The following ASAP3 variants were observed in gnomAD, a reference collection of about 807,000 sequenced individuals.
ASAP3 encodes ArfGAP with SH3 domain, ankyrin repeat and PH domain 3.
ASAP3 carries 85 observed loss-of-function variants against 118.2 expected under a neutral mutation model. That is an observed-to-expected ratio of 0.72 (90% CI 0.60 to 0.86). The LOEUF is 0.86. ASAP3 is among the 40% of genes least tolerant of loss of function. The pLI is 0.00. For missense variants in ASAP3, 1,026 were observed against 1,175.0 expected (o/e 0.87, Z 1.85); for synonymous variants, 432 against 477.4 (o/e 0.90, Z 1.24).
chr1:23,442,114 A>G, intron 7 of ASAP3, 72 bp downstream of exon 7: 1 of 1,469,872 alleles, frequency 6.8e-7, no homozygotes, highest in South Asian at 1.2e-5. Context: ...TCTCAGGTCT[A>G]TCACACCTTG....
intron 3 of ASAP3, among the ~76,000 whole-genome samples, chr1:23,455,335 AGAG>A (rs1208896868): frequency 1.3e-5 from 2 of 152,226 alleles, no homozygotes; most frequent in Non-Finnish European, 1.5e-5. Flanking sequence ...TTGAAGGACC[AGAG>A]AGGAGGCAGT....
At position 23,431,129 on chromosome 1, in the gene ASAP3, G is replaced by C; in HGVS notation, c.2547-4C>G. 6.3e-7 allele frequency: 1 copy of C among 1,578,232 alleles called. No homozygotes were observed. The highest frequency in any genetic ancestry group is 8.6e-7 in the Non-Finnish European group (1 of 1,162,160). On this transcript the variant is annotated splice_region_variant and splice_polypyrimidine_tract_variant and intron_variant, in intron 23 of 24. Coordinates refer to ENST00000336689, the MANE Select transcript of ASAP3 (RefSeq NM_017707.4). ...ATAGGAGCGAGTGCTCTCGGAGCTG[G>C]AAGGCAGGGAAAGGCCAACATGACC... is the stretch of plus-strand genomic sequence containing the variant.
Position 23,436,504 on chromosome 1 carries a change from A to C in ASAP3, c.1571+56T>G. 4.4e-6 allele frequency: 7 copies of C among 1,573,110 alleles called. No individual in the cohort carries two copies. Among genetic ancestry groups the C allele is most frequent in the Non-Finnish European group, 5.2e-6 (6 of 1,142,934 alleles). On this transcript the variant is annotated intron_variant, in intron 16 of 24. Coordinates refer to ENST00000336689, the MANE Select transcript of ASAP3 (RefSeq NM_017707.4). This position sits in a 1 kb window ranked among gnomAD's most constrained non-coding sequence, Gnocchi z 4.2. Reference sequence around the variant, plus strand: ...CCAAGACTTTTCTACGACCCTGGACACTGCGGAGGCAGAATCCCCTAGGCA... The same window carrying C: ...CCAAGACTTTTCTACGACCCTGGACCCTGCGGAGGCAGAATCCCCTAGGCA...
intron 24 of ASAP3, among the ~76,000 whole-genome samples, chr1:23,430,704 T>C (rs1640395762): frequency 6.6e-6 from 1 of 152,194 alleles, no homozygotes; most frequent in Admixed American, 6.5e-5. Context: ...ATCACTGCCA[T>C]CCCTCAAGGC....
At chr1:23,452,672 C>T (rs1004376745) in intron 4 of ASAP3, 25 bp downstream of exon 4, 2 of 1,611,306 alleles carry the variant, frequency 1.2e-6, no homozygotes, top group Admixed American at 3.3e-5. Flanking sequence ...TCTGTCCCAC[C>T]ACCACTCCCA....
chr1:23,484,374 A>AC (rs1467166498), upstream of ASAP3: 1 of 304,138 alleles, frequency 3.3e-6, no homozygotes, highest in African/African-American at 2.5e-5. Context: ...CCGGCCCCGC[A>AC]CCGCGTCAGG....
Position 23,437,622 on chromosome 1 carries a change from G to C in ASAP3, c.1103-150C>G. ...GCTAGGAGTGGGAAGGGAGTGGAAT[G>C]ACAGTGGCCAGCACCAGGGGCAGTT... is the stretch of plus-strand genomic sequence containing the variant. On this transcript the variant is annotated intron_variant, in intron 12 of 24. Coordinates refer to ENST00000336689, the MANE Select transcript of ASAP3 (RefSeq NM_017707.4). This position sits in a 1 kb window ranked among gnomAD's most constrained non-coding sequence, Gnocchi z 6.1. The C allele has an allele frequency of 1.0e-6, 1 of 973,330 alleles. No homozygotes were observed. Among genetic ancestry groups the C allele is most frequent in the Admixed American group, 2.7e-5 (1 of 37,604 alleles). 60.3% of individuals were successfully genotyped at this position (973,330 alleles called of 1,614,324 possible). A position where few individuals can be genotyped will look rare whatever the true frequency, so the allele number is the denominator to read the frequency against.
Position 23,438,724 on chromosome 1 carries a change from G to A in ASAP3, c.1102+23C>T. 1 of 1,610,558 alleles carries A rather than the reference G, an allele frequency of 6.2e-7. No homozygotes were observed. The highest frequency in any genetic ancestry group is 1.1e-5 in the South Asian group (1 of 90,984). On this transcript the variant is annotated intron_variant, in intron 12 of 24. Coordinates refer to ENST00000336689, the MANE Select transcript of ASAP3 (RefSeq NM_017707.4). This position sits in a 1 kb window ranked among gnomAD's most constrained non-coding sequence, Gnocchi z 4.9. The stretch of plus-strand genomic sequence containing the variant: ...GAAGCCCTGAGCAGCTGTGGGTGGG[G>A]GAGAGGCACAGGGACCACTCACGGG...
intron 22 of ASAP3, among the ~76,000 whole-genome samples, chr1:23,432,241 G>C (rs1640464970): frequency 6.6e-6 from 1 of 152,016 alleles, no homozygotes; most frequent in South Asian, 2.1e-4. Context: ...TCCTTACCTG[G>C]GGTGATCCGC....
At chr1:23,447,556 A>G (rs1349388879) in intron 5 of ASAP3, among the ~76,000 whole-genome samples, 1 of 152,186 alleles carries the variant, frequency 6.6e-6, no homozygotes, top group Non-Finnish European at 1.5e-5. Context: ...AACCACTGTA[A>G]TGACACCTAG....
chr1:23,464,364 T>G (rs1641692256), intron 1 of ASAP3, among the ~76,000 whole-genome samples: 1 of 151,646 alleles, frequency 6.6e-6, no homozygotes, highest in Non-Finnish European at 1.5e-5. Flanking sequence ...TTTTTGTATT[T>G]TTAGTAGAGA....
rs1640530621 is a variant in ASAP3 at position 23,433,661 on chromosome 1, C to T, written c.1984G>A (p.Ala662Thr). The change falls in exon 20 of 25, where the codon GCC becomes ACC. Residue 662 changes from alanine to threonine, a missense_variant. Physicochemically the swap from Ala to Thr is moderately conservative, Grantham distance 58. Coordinates refer to ENST00000336689, the MANE Select transcript of ASAP3 (RefSeq NM_017707.4). Reference protein sequence around the residue: ...NEAGETALDIARKKHHKECEE... With the variant: ...NEAGETALDITRKKHHKECEE... ...CACTCCTTGTGGTGCTTCTTCCTGGCTATGTCCAGAGCTGTCTCGCCTGCT... is the reference window on the plus strand; with the variant it reads ...CACTCCTTGTGGTGCTTCTTCCTGGTTATGTCCAGAGCTGTCTCGCCTGCT... 2 of 1,614,108 alleles carry T rather than the reference C, an allele frequency of 1.2e-6. No homozygotes were observed. Among genetic ancestry groups the T allele is most frequent in the Non-Finnish European group, 1.7e-6 (2 of 1,180,048 alleles).
intron 5 of ASAP3, among the ~76,000 whole-genome samples, chr1:23,450,243 A>C (rs948372082): frequency 2.0e-5 from 3 of 152,232 alleles, no homozygotes; most frequent in Non-Finnish European, 4.4e-5. Flanking sequence ...TTGATCCTGC[A>C]AAAATAATTA....
At chr1:23,446,736 C>A (rs556258526) in intron 5 of ASAP3, among the ~76,000 whole-genome samples, 5 of 152,262 alleles carry the variant, frequency 3.3e-5, no homozygotes, top group African/African-American at 1.2e-4. Flanking sequence ...CCATGCCCAG[C>A]CCAATTTGTA....
chr1:23,464,480 C>T (rs558073180), intron 1 of ASAP3, among the ~76,000 whole-genome samples: 1 of 151,768 alleles, frequency 6.6e-6, no homozygotes, highest in Non-Finnish European at 1.5e-5. Flanking sequence ...AGGCACTGCA[C>T]CCGACCATTA....
rs764931577 is a variant in ASAP3 at position 23,484,069 on chromosome 1, G to A, written c.65C>T (p.Ala22Val). The change falls in exon 1 of 25, where the codon GCT becomes GTT. Residue 22 changes from alanine to valine, a missense_variant. Coordinates refer to ENST00000336689, the MANE Select transcript of ASAP3 (RefSeq NM_017707.4). ...AVTAEDLSSPAGAAAFAAKMP... is the reference protein window; with the variant it reads ...AVTAEDLSSPVGAAAFAAKMP... ...CTTGGCGGCGAAGGCGGCGGCCCCA[G>A]CCGGGGAGCTGAGGTCCTCCGCGGT... is the stretch of plus-strand genomic sequence containing the variant. 5.2e-6 allele frequency: 7 copies of A among 1,351,822 alleles called. No homozygotes were observed. The South Asian group carries it at 7.3e-5, about 14-fold the overall frequency. 83.7% of individuals were successfully genotyped at this position (1,351,822 alleles called of 1,614,324 possible).
chr1:23,453,973 GA>G lies in ASAP3; in HGVS notation c.349-1203del, dbSNP rs34426310. 5.9e-3 allele frequency among the ~76,000 whole-genome samples: 900 copies of G among 152,278 alleles called. 12 individuals are homozygous for G. In the East Asian group the frequency reaches 0.06, roughly 10 times the overall value. ...GAAACACTAGTTTGACTGAAACAGG[GA>G]GAGAAGAGGTGAAGACAAAGAAGGA... On this transcript the variant is annotated intron_variant, in intron 3 of 24. Coordinates refer to ENST00000336689, the MANE Select transcript of ASAP3 (RefSeq NM_017707.4).
At chr1:23,479,170 C>T (rs539643714) in intron 1 of ASAP3, among the ~76,000 whole-genome samples, 66 of 152,156 alleles carry the variant, frequency 4.3e-4, no homozygotes, top group Non-Finnish European at 8.8e-4. Flanking sequence ...ATCTAGTGTC[C>T]GGTTACCTTT....
intron 1 of ASAP3, among the ~76,000 whole-genome samples, chr1:23,466,652 A>G (rs1641778439): frequency 6.6e-6 from 1 of 152,226 alleles, no homozygotes; most frequent in African/African-American, 2.4e-5. Flanking sequence ...CTTCTGGGTC[A>G]GGATTCATCA....
Sources: gnomAD v4.1 joint callset for allele counts (sites outside exome capture counted in the v4.1 genomes callset) on GRCh38, gnomAD v4.1.1 for gene constraint, Gnocchi (gnomAD v3.1) non-coding constraint, MANE v1.5 for transcripts, NCBI Gene and HGNC (gene_info 2026-07-23, HGNC 2026-07-21) for gene names.